Variants in KCNH8 observed in about 807,000 individuals in gnomAD.
KCNH8 encodes the protein potassium voltage-gated channel subfamily H member 8, also known as voltage-gated delayed rectifier potassium channel KCNH8.
Under a neutral mutation model 103.6 loss-of-function variants are expected in KCNH8, and 70 were observed. The ratio of observed to expected loss-of-function variants is 0.68; its 90% CI spans 0.56 to 0.82. The LOEUF is 0.82. KCNH8 is among the 40% of genes least tolerant of loss of function. The pLI is 0.00. For missense variants in KCNH8, 1,217 were observed against 1,329.9 expected, an observed-to-expected ratio of 0.92 and a Z score of 1.32; for synonymous variants, 498 against 489.4, an observed-to-expected ratio of 1.02 and a Z score of -0.23.
intron 3 of KCNH8, among the ~76,000 whole-genome samples, chr3:19,290,188 A>G (rs141373504): frequency 0.11 from 17,155 of 151,872 alleles, 2,995 homozygotes; most frequent in African/African-American, 0.38. Flanking sequence ...CATGTCATCT[A>G]AAAACAGGGA....
intron 1 of KCNH8, 52 bp downstream of exon 1, chr3:19,148,847 C>G: frequency 6.7e-7 from 1 of 1,486,696 alleles, no homozygotes; most frequent in Non-Finnish European, 9.4e-7. Flanking sequence ...ACTGATTTTT[C>G]TCGTACACAT....
intron 3 of KCNH8, among the ~76,000 whole-genome samples, chr3:19,329,178 CCT>C (rs2065470852): frequency 6.6e-6 from 1 of 152,166 alleles, no homozygotes; most frequent in Non-Finnish European, 1.5e-5. Flanking sequence ...CCCCACATTT[CCT>C]CTGTTTATGG....
chr3:19,502,891 CA>C (rs1467248661), intron 11 of KCNH8, among the ~76,000 whole-genome samples: 5 of 151,884 alleles, frequency 3.3e-5, no homozygotes, highest in Admixed American at 6.6e-5. Context: ...TCTAAAACAC[CA>C]AAAGCAATGG....
At chr3:19,503,923 TATA>T (rs540752455) in intron 11 of KCNH8, among the ~76,000 whole-genome samples, 44 of 150,692 alleles carry the variant, frequency 2.9e-4, no homozygotes, top group East Asian at 2.5e-3. Context: ...AAACTTAAAG[TATA>T]ATAATAATAA....
chr3:19,522,857 TTTTC>T (rs1208856772), intron 15 of KCNH8, among the ~76,000 whole-genome samples: 1 of 151,846 alleles, frequency 6.6e-6, no homozygotes, highest in Non-Finnish European at 1.5e-5. Flanking sequence ...GATGTCATGG[TTTTC>T]TTTGTGAGAT....
chr3:19,375,850 T>G (rs1038073520), intron 5 of KCNH8, among the ~76,000 whole-genome samples: 2 of 152,138 alleles, frequency 1.3e-5, no homozygotes, highest in East Asian at 3.9e-4. Flanking sequence ...TGCAGGTCTG[T>G]TGGAGTACCC....
intron 10 of KCNH8, among the ~76,000 whole-genome samples, chr3:19,454,043 C>A (rs1025834508): frequency 6.6e-6 from 1 of 151,882 alleles, no homozygotes; most frequent in East Asian, 1.9e-4. Context: ...AATAGAAAGG[C>A]ATGAAATAGC....
chr3:19,305,866 T>C (rs1035379889), intron 3 of KCNH8, among the ~76,000 whole-genome samples: 2 of 151,974 alleles, frequency 1.3e-5, no homozygotes, highest in African/African-American at 4.8e-5. Flanking sequence ...AAAGAGGGTA[T>C]GTGTGGTTAG....
intron 3 of KCNH8, among the ~76,000 whole-genome samples, chr3:19,310,561 GAGAA>G (rs1273312402): frequency 6.6e-6 from 1 of 151,846 alleles, no homozygotes. Flanking sequence ...GAAAGACTGT[GAGAA>G]AGAAGTTAGC....
chr3:19,376,380 C>A (rs573812549), intron 5 of KCNH8, among the ~76,000 whole-genome samples: 1 of 152,162 alleles, frequency 6.6e-6, no homozygotes, highest in Admixed American at 6.5e-5. Context: ...GTCTGTCACC[C>A]CTTTCTTTGA....
Position 19,156,988 on chromosome 3 carries a change from A to T in KCNH8, c.76+8193A>T, listed in dbSNP as rs2063187530. Among the ~76,000 whole-genome samples, 9 of 150,056 alleles carry T rather than the reference A, an allele frequency of 6.0e-5. No homozygotes were observed. In the South Asian group the frequency reaches 1.9e-3, roughly 31 times the overall value. ...AAGCTTTTTTTTTTTTTTTTAAAAA[A>T]AAGGTTTTCTTTTGTTCTATTAAGT... On this transcript the variant is annotated intron_variant, in intron 1 of 15. Coordinates refer to ENST00000328405, the MANE Select transcript of KCNH8 (RefSeq NM_144633.3).
At chr3:19,385,115 G>C (rs1484638959) in intron 5 of KCNH8, among the ~76,000 whole-genome samples, 1 of 152,112 alleles carries the variant, frequency 6.6e-6, no homozygotes, top group African/African-American at 2.4e-5. Flanking sequence ...TTTATAGAAA[G>C]AGCTTTGGGC....
At chr3:19,324,670 T>C (rs1023562029) in intron 3 of KCNH8, among the ~76,000 whole-genome samples, 7 of 152,082 alleles carry the variant, frequency 4.6e-5, no homozygotes, top group Non-Finnish European at 7.4e-5. Context: ...TACAAACTAC[T>C]ACATGAAGAA....
chr3:19,166,361 A>T (rs966588181), intron 1 of KCNH8, among the ~76,000 whole-genome samples: 3 of 152,218 alleles, frequency 2.0e-5, no homozygotes, highest in South Asian at 2.1e-4. Context: ...AAGAGTTCTG[A>T]TATTTCAATA....
At chr3:19,361,955 C>A (rs2125110037) in intron 5 of KCNH8, among the ~76,000 whole-genome samples, 1 of 152,206 alleles carries the variant, frequency 6.6e-6, no homozygotes, top group East Asian at 1.9e-4. Flanking sequence ...TGGTTAATTA[C>A]TGACGAAGCT....
intron 3 of KCNH8, among the ~76,000 whole-genome samples, chr3:19,326,191 G>A (rs1213766581): frequency 6.6e-6 from 1 of 151,900 alleles, no homozygotes; most frequent in East Asian, 1.9e-4. Flanking sequence ...TAGGAGGGTA[G>A]AGGATGGGAG....
chr3:19,371,576 T>G (rs1395984520), intron 5 of KCNH8, among the ~76,000 whole-genome samples: 17 of 150,380 alleles, frequency 1.1e-4, no homozygotes, highest in Non-Finnish European at 1.9e-4. Flanking sequence ...TTCACTCTGA[T>G]GGTAGTTTCT....
chr3:19,418,086 G>A (rs1200906380), intron 7 of KCNH8, among the ~76,000 whole-genome samples: 3 of 152,298 alleles, frequency 2.0e-5, no homozygotes, highest in Non-Finnish European at 2.9e-5. Flanking sequence ...GAATCTCTCT[G>A]AAGGTGGCAT....
intron 15 of KCNH8, among the ~76,000 whole-genome samples, chr3:19,527,971 A>AGAT (rs1336826585): frequency 6.6e-6 from 1 of 151,984 alleles, no homozygotes; most frequent in Non-Finnish European, 1.5e-5. Flanking sequence ...ATTCTGGAAG[A>AGAT]GATAGAGAAA....
Sources: allele counts gnomAD v4.1 joint callset (sites outside exome capture counted in the v4.1 genomes callset), GRCh38; gene constraint gnomAD v4.1.1; transcripts MANE v1.5; gene names NCBI Gene and HGNC (gene_info 2026-07-23, HGNC 2026-07-21).